The following ITPR2 variants were observed in gnomAD, a reference collection of about 807,000 sequenced individuals.
ITPR2 encodes the protein inositol 1,4,5-trisphosphate receptor type 2.
In ITPR2, 207 loss-of-function variants were observed where a neutral mutation model predicts 317.1. The observed-to-expected ratio is 0.65, with a 90% CI of 0.58 to 0.73. The LOEUF (loss-of-function observed/expected upper bound fraction) is 0.73, where lower values mean the gene tolerates loss of function less well. Among genes scored for constraint, ITPR2 ranks in the 30% least tolerant of loss-of-function variants. The probability of loss-of-function intolerance (pLI) is 0.00; values close to 1 mark genes in which losing one functional copy is unlikely to be tolerated. For synonymous variants in ITPR2, 1,156 were observed against 1,149.1 expected (o/e 1.01, Z -0.12); for missense variants, 2,613 against 3,284.0 (o/e 0.80, Z 4.99).
chr12:26,508,115 C>T (rs1250588644), intron 37 of ITPR2, among the ~76,000 whole-genome samples: 3 of 152,122 alleles, frequency 2.0e-5, no homozygotes, highest in East Asian at 3.8e-4. Context: ...CCATTTCTCT[C>T]CTGCATGTTT....
In ITPR2 at chr12:26,617,444, A is replaced by G. The variant is rs553596351; in HGVS notation, c.3462+3679T>C. Among the ~76,000 whole-genome samples, 287 of 152,298 alleles carry G rather than the reference A, an allele frequency of 1.9e-3. 1 individual carries two copies. The highest frequency in any genetic ancestry group is 6.7e-3 in the African/African-American group (278 of 41,572). ...GTCAAAGTCTTTCCCCAATGTAAAT[A>G]TCATGTCCAGACAGTTTTGCAGACA... On this transcript the variant is annotated intron_variant, in intron 26 of 56. Transcript: ENST00000381340.
Position 26,622,282 on chromosome 12 carries a change from C to T in ITPR2, c.3246G>A (p.Lys1082=), listed in dbSNP as rs759776850. 9.3e-6 allele frequency: 15 copies of T among 1,613,788 alleles called. No homozygotes were observed. The highest frequency in any genetic ancestry group is 2.2e-5 in the East Asian group (1 of 44,892). ...LLSGALQLLF[K]HFSQRAEVLQ... is the part of the protein sequence containing the mutation. ...AAACCTCTGCCCTCTGGCTGAAGTG[C>T]TTAAACAACAGCTGCAGGGCTCCAG... Residue 1082 remains lysine, a synonymous_variant, in exon 25 of 57, where the codon AAG becomes AAA. Transcript: ENST00000381340.
chr12:26,829,113 C>T (rs1356306338), intron 1 of ITPR2, among the ~76,000 whole-genome samples: 1 of 152,130 alleles, frequency 6.6e-6, no homozygotes, highest in Non-Finnish European at 1.5e-5. Context: ...CTGAAAGCAA[C>T]TTTCAAGTGT....
intron 45 of ITPR2, among the ~76,000 whole-genome samples, chr12:26,474,559 C>T (rs530109056): frequency 3.9e-5 from 6 of 151,906 alleles, no homozygotes; most frequent in Admixed American, 3.3e-4. Flanking sequence ...TTTGGGAGGC[C>T]GAGGCGGGCG....
chr12:26,765,799 C>T (rs894322155), intron 2 of ITPR2, among the ~76,000 whole-genome samples: 1 of 152,128 alleles, frequency 6.6e-6, no homozygotes, highest in African/African-American at 2.4e-5. Flanking sequence ...CCTCTCTTTA[C>T]CTCCTCTTCC....
intron 55 of ITPR2, among the ~76,000 whole-genome samples, chr12:26,357,220 G>A (rs1167384855): frequency 6.6e-6 from 1 of 152,046 alleles, no homozygotes; most frequent in Non-Finnish European, 1.5e-5. Flanking sequence ...CAGGGTTGGG[G>A]TTTCAAGTCA....
intron 45 of ITPR2, among the ~76,000 whole-genome samples, chr12:26,449,333 G>A (rs1941684562): frequency 6.6e-6 from 1 of 151,996 alleles, no homozygotes; most frequent in Non-Finnish European, 1.5e-5. Context: ...AGCAGAAGGG[G>A]GCAAAAACTA....
chr12:26,405,106 C>T (rs934394875), intron 52 of ITPR2, among the ~76,000 whole-genome samples: 1 of 150,022 alleles, frequency 6.7e-6, no homozygotes, highest in African/African-American at 2.5e-5. Flanking sequence ...TGCACTCTAG[C>T]CTGGGCAACA....
At chr12:26,668,481 G>C (rs1249910385) in intron 13 of ITPR2, among the ~76,000 whole-genome samples, 2 of 152,200 alleles carry the variant, frequency 1.3e-5, no homozygotes, top group Non-Finnish European at 2.9e-5. Context: ...CTCTGGCCTA[G>C]TTGAGGGAAG....
At chr12:26,732,427 G>C (rs1166549311) in intron 2 of ITPR2, among the ~76,000 whole-genome samples, 1 of 152,156 alleles carries the variant, frequency 6.6e-6, no homozygotes, top group African/African-American at 2.4e-5. Flanking sequence ...TAGGATGCTT[G>C]AATGCCCTGA....
chr12:26,774,983 G>A (rs763800457), intron 2 of ITPR2, among the ~76,000 whole-genome samples: 18 of 152,214 alleles, frequency 1.2e-4, no homozygotes, highest in Admixed American at 5.9e-4. Flanking sequence ...TGGCAGGACT[G>A]AGCTTCAGTT....
At chr12:26,612,739 T>C (rs2136778697) in intron 26 of ITPR2, among the ~76,000 whole-genome samples, 1 of 152,372 alleles carries the variant, frequency 6.6e-6, no homozygotes, top group Admixed American at 6.5e-5. Context: ...CCTCTTGCTC[T>C]TCTGAAGCAT....
intron 35 of ITPR2, 131 bp downstream of exon 35, chr12:26,561,626 GTAGTA>G (rs1565604620): frequency 1.6e-6 from 1 of 619,924 alleles, no homozygotes; most frequent in East Asian, 3.3e-5. Flanking sequence ...AAGAGCAGTG[GTAGTA>G]GAGAGTTGTA....
rs762865978 is a variant in ITPR2, at chr12:26,659,094, C to T, written c.1886+19G>A. The T allele has an allele frequency of 1.1e-5, 18 of 1,586,056 alleles. No homozygotes were observed. The highest frequency in any genetic ancestry group is 1.7e-5 in the Admixed American group (1 of 58,572). On this transcript the variant is annotated intron_variant, in intron 16 of 56. Transcript: ENST00000381340. ...CGCAATCTCCACTAGAAAAGAATACCGCATGAATCATTTCAAACCTTGGCT... is the reference window on the plus strand; with the variant it reads ...CGCAATCTCCACTAGAAAAGAATACTGCATGAATCATTTCAAACCTTGGCT...
Position 26,475,424 on chromosome 12 carries a change from CAAA to C in ITPR2, c.6220-9_6220-7del. Reference sequence around the variant, plus strand: ...GCATTCTTCATCACATCCACCTATCCAAAAAAAAAAAGAATATTGAAATGCCAG... The same window carrying C: ...GCATTCTTCATCACATCCACCTATCCAAAAAAAAGAATATTGAAATGCCAG... On this transcript the variant is annotated splice_region_variant and splice_polypyrimidine_tract_variant and intron_variant, in intron 44 of 56. Transcript: ENST00000381340. The C allele has an allele frequency of 1.7e-6, 2 of 1,192,096 alleles. No homozygotes were observed. The highest frequency in any genetic ancestry group is 2.3e-6 in the Non-Finnish European group (2 of 871,998). 73.8% of individuals were successfully genotyped at this position (1,192,096 alleles called of 1,614,324 possible).
chr12:26,718,209 C>G (rs571221202), intron 5 of ITPR2, among the ~76,000 whole-genome samples: 1 of 152,188 alleles, frequency 6.6e-6, no homozygotes, highest in Non-Finnish European at 1.5e-5. Context: ...CCTCACCCCC[C>G]ACCCCCTGAC....
At chr12:26,445,521 C>A (rs1941588584) in intron 45 of ITPR2, among the ~76,000 whole-genome samples, 1 of 149,042 alleles carries the variant, frequency 6.7e-6, no homozygotes, top group Non-Finnish European at 1.5e-5. Flanking sequence ...AAGGTAGGAA[C>A]AAAACCCCAC....
At chr12:26,621,334 T>C in intron 25 of ITPR2, 38 bp from the exon 26 acceptor site, 1 of 1,475,582 alleles carries the variant, frequency 6.8e-7, no homozygotes, top group Non-Finnish European at 9.4e-7. Context: ...TGAAGTTCAC[T>C]ATTTCTAGAA....
At chr12:26,633,313 G>A (rs1275242718) in intron 21 of ITPR2, among the ~76,000 whole-genome samples, 1 of 152,206 alleles carries the variant, frequency 6.6e-6, no homozygotes, top group East Asian at 1.9e-4. Context: ...TCTGTACATT[G>A]TGAAAAGGTA....
Sources: gnomAD v4.1 joint callset for allele counts (sites outside exome capture counted in the v4.1 genomes callset) on GRCh38, gnomAD v4.1.1 for gene constraint, MANE v1.5 for transcripts, NCBI Gene and HGNC (gene_info 2026-07-23, HGNC 2026-07-21) for gene names.